The following TRAIP variants were observed in gnomAD, a reference collection of about 807,000 sequenced individuals.
TRAIP encodes TRAF interacting protein, also known as E3 ubiquitin-protein ligase TRAIP.
In TRAIP, 37 loss-of-function variants were observed where a neutral mutation model predicts 65.0. The observed-to-expected ratio is 0.57, with a 90% CI of 0.44 to 0.75. The LOEUF is 0.75. Among genes scored for constraint, TRAIP ranks in the 30% least tolerant of loss-of-function variants. The probability of loss-of-function intolerance (pLI) is 0.00; values close to 1 mark genes in which losing one functional copy is unlikely to be tolerated. For synonymous variants in TRAIP, 187 were observed against 219.1 expected, an observed-to-expected ratio of 0.85 and a Z score of 1.29; for missense variants, 481 against 579.4, an observed-to-expected ratio of 0.83 and a Z score of 1.74.
rs190272532 is a variant in TRAIP at position 49,853,353 on chromosome 3, C to T, written c.98+3003G>A. On this transcript the variant is annotated intron_variant, in intron 1 of 14. Transcript: ENST00000331456. ...AGTGTGGTGGCTCACACCTGTATTC[C>T]CAGCACTTTGGAAGGCCAAGGCAGG... Among the ~76,000 whole-genome samples the T allele has an allele frequency of 1.2e-4, 18 of 152,146 alleles. No individual in the cohort carries two copies. In the East Asian group the frequency reaches 2.5e-3, roughly 21 times the overall value.
chr3:49,831,778 C>T (rs1248627832), intron 11 of TRAIP, 138 bp downstream of exon 11: 3 of 968,804 alleles, frequency 3.1e-6, no homozygotes, highest in Non-Finnish European at 4.2e-6. Flanking sequence ...CAAGAGGTAG[C>T]TGGAACCAAA....
At chr3:49,852,782 T>C (rs921431047) in intron 1 of TRAIP, among the ~76,000 whole-genome samples, 6 of 149,910 alleles carry the variant, frequency 4.0e-5, no homozygotes, top group Non-Finnish European at 5.9e-5. Context: ...AGAAAGAAAT[T>C]GCTCTACACG....
intron 5 of TRAIP, among the ~76,000 whole-genome samples, chr3:49,842,992 C>T (rs912721850): frequency 2.6e-5 from 4 of 152,208 alleles, no homozygotes; most frequent in Non-Finnish European, 4.4e-5. Context: ...GCCAGGCTGC[C>T]TTCAGCCTAA....
chr3:49,837,472 A>C (rs1377904162), intron 10 of TRAIP, among the ~76,000 whole-genome samples: 4 of 151,896 alleles, frequency 2.6e-5, no homozygotes. Flanking sequence ...CAAAACAAAC[A>C]AACCAACAAA....
chr3:49,845,120 G>A (rs1265497012), intron 3 of TRAIP, among the ~76,000 whole-genome samples: 1 of 152,194 alleles, frequency 6.6e-6, no homozygotes, highest in Non-Finnish European at 1.5e-5. Context: ...GCTATGCCAG[G>A]ACAGCTTTGT....
Position 49,829,216 on chromosome 3 carries a change from CTG to C in TRAIP, c.1295_1296del (p.Thr432SerfsTer9), listed in dbSNP as rs770547719. On this transcript the variant is annotated frameshift_variant, in exon 15 of 15. Transcript: ENST00000331456. LOFTEE classifies it low-confidence loss of function (END_TRUNC). Reference sequence around the variant, plus strand: ...TTAACAGGCAATGGGCGGATCATGACTGTGTCAGTCTGGAGGAGCTGTCAAGG... The same window carrying C: ...TTAACAGGCAATGGGCGGATCATGACTGTCAGTCTGGAGGAGCTGTCAAGG... ...GRTKFIQPTD[T>X]VMIRPLPVKP... The C allele has an allele frequency of 6.2e-7, 1 of 1,614,204 alleles. No individual in the cohort carries two copies. The highest frequency in any genetic ancestry group is 1.7e-5 in the Admixed American group (1 of 60,014).
At chr3:49,838,906 C>T (rs563971103) in intron 10 of TRAIP, among the ~76,000 whole-genome samples, 1,753 of 148,958 alleles carry the variant, frequency 0.012, 39 homozygotes, top group African/African-American at 0.04. Context: ...AGATTAAAGA[C>T]TGGGCTGGGC....
Position 49,830,036 on chromosome 3 carries a change from C to T in TRAIP, c.1070G>A (p.Cys357Tyr). Residue 357 changes from cysteine to tyrosine, a missense_variant, in exon 12 of 15, where the codon TGC becomes TAC. By Grantham distance (194) the Cys-to-Tyr change is radical. Transcript: ENST00000331456. ...AGCTCTTACCTTCCTGGGGCCTTTG[C>T]ATATCTTCTTGGGGACATCCTGAAT... ...SPIQDVPKKICKGPRKESQLS... is the reference protein window; with the variant it reads ...SPIQDVPKKIYKGPRKESQLS... 1 of 1,614,140 alleles carries T rather than the reference C, an allele frequency of 6.2e-7. No homozygotes were observed. Among genetic ancestry groups the T allele is most frequent in the Non-Finnish European group, 8.5e-7 (1 of 1,180,014 alleles).
chr3:49,834,330 C>T (rs758001438), intron 10 of TRAIP, among the ~76,000 whole-genome samples: 3 of 152,104 alleles, frequency 2.0e-5, no homozygotes, highest in Non-Finnish European at 4.4e-5. Context: ...GGGGCAACCA[C>T]CATCAGCCCC....
rs928478419 is a variant in TRAIP at position 49,848,172 on chromosome 3, T to G, written c.127A>C (p.Ser43Arg). 6.2e-7 allele frequency: 1 copy of G among 1,614,232 alleles called. No homozygotes were observed. Among genetic ancestry groups the G allele is most frequent in the East Asian group, 2.2e-5 (1 of 44,890 alleles). Residue 43 changes from serine to arginine, a missense_variant, in exon 2 of 15, where the codon AGT becomes CGT. Transcript: ENST00000331456. ...ATTCGGCACTGTGGGCAGGTCCGAC[T>G]TGGTGCTGTCTCAAACCACTGAATT... Reference protein sequence around the residue: ...CLIQWFETAPSRTCPQCRIQV... With the variant: ...CLIQWFETAPRRTCPQCRIQV...
chr3:49,829,210 T>C lies in TRAIP; in HGVS notation c.1303A>G (p.Ile435Val). The C allele has an allele frequency of 6.2e-7, 1 of 1,614,162 alleles. No homozygotes were observed. Among genetic ancestry groups the C allele is most frequent in the Non-Finnish European group, 8.5e-7 (1 of 1,180,044 alleles). Residue 435 changes from isoleucine (I) to valine (V), a missense_variant, in exon 15 of 15, where the codon ATC (isoleucine) becomes GTC (valine). Coordinates refer to ENST00000331456, the MANE Select transcript of TRAIP (RefSeq NM_005879.3). ...TTGGGCTTAACAGGCAATGGGCGGA[T>C]CATGACTGTGTCAGTCTGGAGGAGC... ...KFIQPTDTVM[I>V]RPLPVKPKTK...
intron 1 of TRAIP, among the ~76,000 whole-genome samples, chr3:49,848,925 C>T (rs2108320191): frequency 6.6e-6 from 1 of 151,914 alleles, no homozygotes; most frequent in East Asian, 1.9e-4. Flanking sequence ...TGGTTCACTG[C>T]AAACTCCGCC....
At position 49,842,476 on chromosome 3, in the gene TRAIP, C is replaced by G; in HGVS notation, c.480G>C (p.Arg160Ser). 1 of 1,614,026 alleles carries G rather than the reference C, an allele frequency of 6.2e-7. No homozygotes were observed. The highest frequency in any genetic ancestry group is 1.1e-5 in the South Asian group (1 of 91,062). The part of the protein sequence containing the change: ...KQAQEEARRL[R>S]SKMKTMEQIE... ...ACTGCTCCATGGTCTTCATCTTGCT[C>G]CTGAGCCGGCGGGCCTCCTCTTGTG... Residue 160 changes from arginine to serine, a missense_variant, in exon 6 of 15, where the codon AGG becomes AGC. By Grantham distance (110) the Arg-to-Ser change is moderately radical (BLOSUM62 -1). Transcript: ENST00000331456.
chr3:49,854,530 A>C (rs1163792550), intron 1 of TRAIP, among the ~76,000 whole-genome samples: 1 of 152,210 alleles, frequency 6.6e-6, no homozygotes, highest in Admixed American at 6.5e-5. Context: ...GAAATGGGGT[A>C]TATAACGACC....
rs181938117 is a variant in TRAIP, at chr3:49,843,807, T to A, written c.402A>T (p.Thr134=). The A allele has an allele frequency of 1.9e-6, 3 of 1,612,992 alleles. No homozygotes were observed. The African/African-American group carries it at 4.0e-5, about 21-fold the overall frequency. The change falls in exon 5 of 15, where the codon ACA becomes ACT. Residue 134 remains threonine, a synonymous_variant. Coordinates refer to ENST00000331456, the MANE Select transcript of TRAIP (RefSeq NM_005879.3). The part of the protein sequence containing the change: ...ALGKAEMLCS[T]LKKQMKYLEQ... ...ATAAAACCTGAGGACCTACTTTCAG[T>A]GTGGAGCACAGCATCTCGGCCTTGC...
At chr3:49,831,703 G>A (rs1036062374) in intron 11 of TRAIP, among the ~76,000 whole-genome samples, 1 of 152,224 alleles carries the variant, frequency 6.6e-6, no homozygotes, top group African/African-American at 2.4e-5. Flanking sequence ...GCCTTGAAAG[G>A]TGATGGTGAG....
intron 10 of TRAIP, among the ~76,000 whole-genome samples, chr3:49,836,529 AAAAGCAAAGCAAAGC>A (rs140857495): frequency 1.3e-5 from 2 of 152,022 alleles, no homozygotes; most frequent in African/African-American, 4.8e-5. Context: ...AAGAAAAAGA[AAAAGCAAAGCAAAGC>A]AAAGCAAAGC....
chr3:49,853,803 C>CAGTGA lies in TRAIP; in HGVS notation c.98+2552_98+2553insTCACT, dbSNP rs1303499243. On this transcript the variant is annotated intron_variant, in intron 1 of 14. Transcript: ENST00000331456. ...CAGAGGTTGCAGTGAGCCAAGATTG[C>CAGTGA]GCCACTGCACTCCAGTCTGGGCCAC... Among the ~76,000 whole-genome samples the CAGTGA allele has an allele frequency of 4.6e-5, 7 of 151,790 alleles. No homozygotes were observed. In the East Asian group the frequency reaches 1.4e-3, roughly 29 times the overall value.
rs1273969373 is a variant in TRAIP, at chr3:49,856,366, G to A, written c.88C>T (p.His30Tyr). The A allele has an allele frequency of 1.9e-6, 3 of 1,613,876 alleles. No homozygotes were observed. Among genetic ancestry groups the A allele is most frequent in the Non-Finnish European group, 2.5e-6 (3 of 1,179,906 alleles). ...VAAIHCGHTF[H>Y]LQCLIQWFET... The stretch of plus-strand genomic sequence containing the variant: ...ACTGCAGTCACTCACCACTGCAAGT[G>A]GAAGGTGTGGCCGCAGTGGATGGCG... Residue 30 changes from histidine (H) to tyrosine (Y), a missense_variant, in exon 1 of 15, where the codon CAC (histidine) becomes TAC (tyrosine). By Grantham distance (83) the His-to-Tyr change is moderately conservative (BLOSUM62 2). Coordinates refer to ENST00000331456, the MANE Select transcript of TRAIP (RefSeq NM_005879.3).
Sources: allele counts gnomAD v4.1 joint callset (sites outside exome capture counted in the v4.1 genomes callset), GRCh38; gene constraint gnomAD v4.1.1; transcripts MANE v1.5; gene names NCBI Gene and HGNC (gene_info 2026-07-23, HGNC 2026-07-21).